The following SMG6 variants were observed in gnomAD, a reference collection of about 807,000 sequenced individuals.
SMG6 encodes SMG6 nonsense mediated mRNA decay factor, also known as telomerase-binding protein EST1A.
In SMG6, 66 loss-of-function variants were observed where a neutral mutation model predicts 142.2. The observed-to-expected ratio is 0.46, with a 90% CI of 0.38 to 0.57. SMG6 has a LOEUF of 0.57. Among genes scored for constraint, SMG6 ranks in the 20% least tolerant of loss-of-function variants. The pLI is 0.00. For missense variants in SMG6, 1,793 were observed against 1,832.0 expected, an observed-to-expected ratio of 0.98 and a Z score of 0.39; for synonymous variants, 779 against 702.4, an observed-to-expected ratio of 1.11 and a Z score of -1.72.
intron 8 of SMG6, chr17:2,280,500 T>C (rs943178969): frequency 1.1e-5 from 7 of 648,340 alleles, no homozygotes; most frequent in Non-Finnish European, 1.3e-5. Context: ...CCTGACCTTG[T>C]GATCTGCTCG....
intron 8 of SMG6, chr17:2,255,636 G>A (rs949384162): frequency 5.0e-4 from 82 of 162,858 alleles, no homozygotes; most frequent in Non-Finnish European, 3.3e-4. Flanking sequence ...CGCCCCTTCT[G>A]GGAAGTGAGG....
intron 16 of SMG6, among the ~76,000 whole-genome samples, chr17:2,067,923 A>C (rs902653391): frequency 6.6e-6 from 1 of 152,200 alleles, no homozygotes; most frequent in Non-Finnish European, 1.5e-5. Context: ...TGGCTTTTCC[A>C]GAAGACAAGG....
intron 8 of SMG6, among the ~76,000 whole-genome samples, chr17:2,277,425 T>A (rs1010331666): frequency 6.6e-6 from 1 of 151,898 alleles, no homozygotes; most frequent in Non-Finnish European, 1.5e-5. Context: ...GTTGGCCTCC[T>A]AAAGAGCTGG....
At chr17:2,097,240 G>A (rs557758119) in intron 13 of SMG6, among the ~76,000 whole-genome samples, 19 of 150,896 alleles carry the variant, frequency 1.3e-4, no homozygotes, top group Admixed American at 6.6e-4. Context: ...CTACAGCCTC[G>A]ACTTCCTGGG....
intron 13 of SMG6, among the ~76,000 whole-genome samples, chr17:2,153,544 G>A (rs1298296969): frequency 6.6e-6 from 1 of 152,256 alleles, no homozygotes; most frequent in African/African-American, 2.4e-5. Flanking sequence ...TGGCACAGGG[G>A]TAAACTGGTG....
intron 13 of SMG6, among the ~76,000 whole-genome samples, chr17:2,094,180 G>A (rs541896040): frequency 6.6e-6 from 1 of 152,302 alleles, no homozygotes; most frequent in South Asian, 2.1e-4. Context: ...GTGGGGTACG[G>A]GCGGTGGCTC....
At chr17:2,243,055 CG>C (rs1264330300) in intron 9 of SMG6, among the ~76,000 whole-genome samples, 1 of 152,034 alleles carries the variant, frequency 6.6e-6, no homozygotes, top group Non-Finnish European at 1.5e-5. Context: ...AGTGGCAGGA[CG>C]GGGGAGGTGG....
chr17:2,095,750 C>T (rs971983174), intron 13 of SMG6, among the ~76,000 whole-genome samples: 5 of 152,212 alleles, frequency 3.3e-5, no homozygotes, highest in African/African-American at 4.8e-5. Context: ...TCCTTTCAGG[C>T]GGATGGGTCC....
intron 13 of SMG6, among the ~76,000 whole-genome samples, chr17:2,155,906 C>G (rs975435155): frequency 6.6e-5 from 10 of 152,098 alleles, no homozygotes; most frequent in African/African-American, 2.4e-4. Context: ...GTATTGTTAT[C>G]AGGGGAAGAA....
chr17:2,242,689 T>TAAAAAAAAAAAAAAAAA (rs57079220), intron 9 of SMG6, among the ~76,000 whole-genome samples: 4 of 55,848 alleles, frequency 7.2e-5, no homozygotes, highest in East Asian at 5.1e-4. Flanking sequence ...TCCATCTCTT[T>TAAAAAAAAAAAAAAAAA]AAAAAAAAAA....
chr17:2,061,464 A>AC lies in SMG6; in HGVS notation c.*27dup, dbSNP rs567513304. On this transcript the variant is annotated 3_prime_UTR_variant, in exon 19 of 19. Coordinates refer to ENST00000263073, the MANE Select transcript of SMG6 (RefSeq NM_017575.5). ...CTGGTGGCCTTTCAGGAACGGTTCC[A>AC]CGGGGGGGGGGCCCCAGTGTGGCTC... 2.3e-3 allele frequency: 2,804 copies of AC among 1,240,004 alleles called. 28 individuals carry two copies. In the African/African-American group the frequency reaches 0.051, roughly 22 times the overall value. 76.8% of individuals were successfully genotyped at this position (1,240,004 alleles called of 1,614,324 possible).
At chr17:2,086,955 C>A (rs1344854878) in intron 13 of SMG6, 2 of 1,250,102 alleles carry the variant, frequency 1.6e-6, no homozygotes, top group African/African-American at 3.1e-5. Flanking sequence ...CCACAGGGGA[C>A]GGCCCCTTCA....
At chr17:2,106,196 T>C (rs1434540945) in intron 13 of SMG6, among the ~76,000 whole-genome samples, 2 of 152,214 alleles carry the variant, frequency 1.3e-5, no homozygotes, top group African/African-American at 4.8e-5. Flanking sequence ...CATAGAATTT[T>C]CCCTTTCCAC....
chr17:2,267,579 T>C (rs2074448984), intron 8 of SMG6, among the ~76,000 whole-genome samples: 1 of 152,094 alleles, frequency 6.6e-6, no homozygotes, highest in South Asian at 2.1e-4. Flanking sequence ...TATGAGACAA[T>C]GAAATAACTG....
chr17:2,240,755 G>T (rs760559656), intron 9 of SMG6, among the ~76,000 whole-genome samples: 21 of 152,214 alleles, frequency 1.4e-4, no homozygotes, highest in Admixed American at 2.6e-4. Context: ...GACGCAGTGT[G>T]GAGCACCAGG....
At chr17:2,297,010 G>GAAAAAAAAAAAAAAAAAAA (rs374673133) in intron 4 of SMG6, among the ~76,000 whole-genome samples, 2 of 60,946 alleles carry the variant, frequency 3.3e-5, no homozygotes, top group East Asian at 4.5e-4. Context: ...CTCAAAAAAT[G>GAAAAAAAAAAAAAAAAAAA]AAAAAAAAAA....
In SMG6 at chr17:2,300,191, T is replaced by C. The variant is rs759210163; in HGVS notation, c.562A>G (p.Lys188Glu). ...EEDECRGNVAKEEVANKPDRA... is the reference protein window; with the variant it reads ...EEDECRGNVAEEEVANKPDRA... ...TCTGGTTTATTCGCAACTTCCTCCTTCGCAACATTTCCCCTACACTCATCT... is the reference window on the plus strand; with the variant it reads ...TCTGGTTTATTCGCAACTTCCTCCTCCGCAACATTTCCCCTACACTCATCT... The change falls in exon 2 of 19, where the codon AAG (lysine) becomes GAG (glutamate). Residue 188 changes from lysine (K) to glutamate (E), a missense_variant. Coordinates refer to ENST00000263073, the MANE Select transcript of SMG6 (RefSeq NM_017575.5). The C allele has an allele frequency of 1.2e-6, 2 of 1,613,792 alleles. No individual in the cohort carries two copies. Among genetic ancestry groups the C allele is most frequent in the Non-Finnish European group, 8.5e-7 (1 of 1,179,916 alleles).
At position 2,247,314 on chromosome 17, in the gene SMG6, T is replaced by C. The variant is rs973906347; in HGVS notation, c.2662-2595A>G. 3.3e-5 allele frequency among the ~76,000 whole-genome samples: 5 copies of C among 152,338 alleles called. No individual in the cohort carries two copies. In the East Asian group the frequency reaches 7.7e-4, roughly 23 times the overall value. ...TCTTACAACTTTTCCACAGATAGGA[T>C]GTTATTTCAAATAAAAAGTTAAGAA... is the stretch of plus-strand genomic sequence containing the variant. On this transcript the variant is annotated intron_variant, in intron 8 of 18. Coordinates refer to ENST00000263073, the MANE Select transcript of SMG6 (RefSeq NM_017575.5).
At chr17:2,221,389 C>G (rs750848131) in intron 10 of SMG6, among the ~76,000 whole-genome samples, 1 of 152,214 alleles carries the variant, frequency 6.6e-6, no homozygotes, top group Non-Finnish European at 1.5e-5. Context: ...AGACGTGCCT[C>G]CTTCCTCTTT....
Sources: allele counts gnomAD v4.1 joint callset (sites outside exome capture counted in the v4.1 genomes callset), GRCh38; gene constraint gnomAD v4.1.1; transcripts MANE v1.5; gene names NCBI Gene and HGNC (gene_info 2026-07-23, HGNC 2026-07-21).